PALM2AKAP2: variants seen among roughly 807,000 people sequenced by gnomAD.
PALM2AKAP2 encodes PALM2-AKAP2 fusion protein.
In PALM2AKAP2, 37 loss-of-function variants were observed where a neutral mutation model predicts 71.5. The observed-to-expected ratio is 0.52, with a 90% confidence interval of 0.40 to 0.68. The LOEUF is 0.68. Ranked by LOEUF, PALM2AKAP2 falls within the 30% of genes least tolerant of loss-of-function variation. The probability of loss-of-function intolerance (pLI) is 0.00; values close to 1 mark genes in which losing one functional copy is unlikely to be tolerated. For missense variants in PALM2AKAP2, 1,224 were observed against 1,191.8 expected (o/e 1.03, Z -0.40); for synonymous variants, 468 against 478.8 (o/e 0.98, Z 0.29).
intron 1 of PALM2AKAP2, among the ~76,000 whole-genome samples, chr9:109,790,643 C>A (rs918617759): frequency 6.6e-6 from 1 of 152,158 alleles, no homozygotes; most frequent in South Asian, 2.1e-4. Context: ...AAGAAAGGTG[C>A]CTCTTGGCTG....
chr9:110,156,364 G>A (rs769725496), exon 3 of PALM2AKAP2: 7 of 1,609,600 alleles, frequency 4.3e-6, no homozygotes, highest in Non-Finnish European at 5.1e-6. Flanking sequence ...ACCACTGAAG[G>A]CCCCAGCTTG....
At chr9:109,762,824 T>A (rs765404376) in intron 1 of PALM2AKAP2, among the ~76,000 whole-genome samples, 2 of 152,216 alleles carry the variant, frequency 1.3e-5, no homozygotes, top group Non-Finnish European at 2.9e-5. Context: ...TTTCCTACCC[T>A]CCTTTTATCT....
At chr9:109,675,861 C>A (rs1405341669) in intron 1 of PALM2AKAP2, among the ~76,000 whole-genome samples, 1 of 152,096 alleles carries the variant, frequency 6.6e-6, no homozygotes, top group Non-Finnish European at 1.5e-5. Context: ...GCCTTGTCCC[C>A]CTTTGATGAC....
intron 1 of PALM2AKAP2, among the ~76,000 whole-genome samples, chr9:110,123,742 T>C (rs1835538870): frequency 6.6e-6 from 1 of 152,216 alleles, no homozygotes. Context: ...AACCTTTTTC[T>C]AAAACAAATC....
intron 1 of PALM2AKAP2, among the ~76,000 whole-genome samples, chr9:109,698,525 A>G (rs1828006839): frequency 6.6e-6 from 1 of 152,130 alleles, no homozygotes; most frequent in South Asian, 2.1e-4. Flanking sequence ...GTGATCTGCC[A>G]GCCTCGGTCT....
At position 109,911,195 on chromosome 9, in the gene PALM2AKAP2, G is replaced by A. The variant is rs537199106; in HGVS notation, c.258-12540G>A. 3.3e-5 allele frequency among the ~76,000 whole-genome samples: 5 copies of A among 152,290 alleles called. No homozygotes were observed. The East Asian group carries it at 7.7e-4, about 23-fold the overall frequency. On this transcript the variant is annotated intron_variant, in intron 3 of 9. Coordinates refer to the PALM2AKAP2 transcript ENST00000302798. ...AAAAGGGACATTTTTAGGGGGAAAA[G>A]GAGGGGGTTTAAGCTATTGAGAAAA...
chr9:110,023,560 C>T (rs1159413898), intron 7 of PALM2AKAP2, among the ~76,000 whole-genome samples: 3 of 151,874 alleles, frequency 2.0e-5, no homozygotes, highest in Admixed American at 1.3e-4. Flanking sequence ...ATGATCCACC[C>T]GCCTCGGCCT....
intron 1 of PALM2AKAP2, among the ~76,000 whole-genome samples, chr9:109,792,719 T>A (rs1827150421): frequency 6.6e-6 from 1 of 152,082 alleles, no homozygotes; most frequent in African/African-American, 2.4e-5. Context: ...CTACCATACC[T>A]ATATAACAAG....
intron 1 of PALM2AKAP2, among the ~76,000 whole-genome samples, chr9:109,780,948 G>A (rs10816866): frequency 0.17 from 26,300 of 152,106 alleles, 2,443 homozygotes; most frequent in South Asian, 0.31. Context: ...CCTGTTAAGT[G>A]GAAAACCAGG....
intron 1 of PALM2AKAP2, among the ~76,000 whole-genome samples, chr9:110,130,546 A>G (rs1399160122): frequency 4.6e-5 from 7 of 152,240 alleles, no homozygotes; most frequent in African/African-American, 1.7e-4. Context: ...TCTGGGACCA[A>G]ATTCTGGCAC....
At chr9:109,790,189 T>C (rs1690110779) in intron 1 of PALM2AKAP2, among the ~76,000 whole-genome samples, 1 of 152,182 alleles carries the variant, frequency 6.6e-6, no homozygotes, top group African/African-American at 2.4e-5. Flanking sequence ...ATTTCCCTTG[T>C]GGAAGCCTAT....
chr9:109,963,877 A>T (rs767174626), intron 6 of PALM2AKAP2, among the ~76,000 whole-genome samples: 15 of 152,176 alleles, frequency 9.9e-5, no homozygotes, highest in Non-Finnish European at 1.8e-4. Flanking sequence ...TGGACCTTTG[A>T]GGTGCAGGCT....
chr9:109,873,938 C>T (rs537702221), intron 2 of PALM2AKAP2, among the ~76,000 whole-genome samples: 1 of 152,020 alleles, frequency 6.6e-6, no homozygotes, highest in Admixed American at 6.6e-5. Flanking sequence ...CCTAGGAATT[C>T]GAGACCAGCC....
intron 6 of PALM2AKAP2, among the ~76,000 whole-genome samples, chr9:109,960,971 G>A (rs2132115911): frequency 6.6e-6 from 1 of 152,358 alleles, no homozygotes; most frequent in Admixed American, 6.5e-5. Context: ...GGCTACTGAA[G>A]CACACCAGTT....
At position 109,997,226 on chromosome 9, in the gene PALM2AKAP2, G is replaced by T. The variant is rs75930748; in HGVS notation, c.497-18728G>T. Among the ~76,000 whole-genome samples, 1,421 of 152,154 alleles carry T rather than the reference G, an allele frequency of 9.3e-3. 23 individuals are homozygous for T. Among genetic ancestry groups the T allele is most frequent in the African/African-American group, 0.033 (1,372 of 41,496 alleles). On this transcript the variant is annotated intron_variant, in intron 6 of 9. Transcript: ENST00000302798. ...TAAATATATAATAAAGTAATAAAAA[G>T]TAAATAAATAAATATTGATTCCATC...
rs575728871 is a variant in PALM2AKAP2 at position 110,125,511 on chromosome 9, C to A, written c.157-10616C>A. ...GTCAGGAGGCTCAGGAGGAATTTGT[C>A]CAGCTTGAGCCAGGGTGCACGCAGG... On this transcript the variant is annotated intron_variant, in intron 1 of 3. Transcript: ENST00000374525. 9.1e-6 allele frequency: 9 copies of A among 985,546 alleles called. No individual in the cohort carries two copies. The Admixed American group carries it at 4.3e-4, about 47-fold the overall frequency. 61.1% of individuals were successfully genotyped at this position (985,546 alleles called of 1,614,324 possible). A position where few individuals can be genotyped will look rare whatever the true frequency, so the allele number is the denominator to read the frequency against.
At chr9:110,006,420 C>G (rs572520580) in intron 6 of PALM2AKAP2, among the ~76,000 whole-genome samples, 1 of 148,242 alleles carries the variant, frequency 6.7e-6, no homozygotes, top group Non-Finnish European at 1.5e-5. Context: ...GTTGCAAACA[C>G]AGCTCACTGC....
chr9:109,864,709 C>A (rs541471230), intron 1 of PALM2AKAP2, among the ~76,000 whole-genome samples: 107 of 152,276 alleles, frequency 7.0e-4, no homozygotes, highest in African/African-American at 2.5e-3. Context: ...TCAGTAGTTG[C>A]GACAGAGACT....
intron 1 of PALM2AKAP2, among the ~76,000 whole-genome samples, chr9:110,050,066 A>G (rs1250648439): frequency 6.6e-6 from 1 of 152,230 alleles, no homozygotes; most frequent in African/African-American, 2.4e-5. Flanking sequence ...AGACTTTGAC[A>G]TATCACTACC....
Sources: gnomAD v4.1 joint callset for allele counts (sites outside exome capture counted in the v4.1 genomes callset) on GRCh38, gnomAD v4.1.1 for gene constraint, MANE v1.5 for transcripts, NCBI Gene and HGNC (gene_info 2026-07-23, HGNC 2026-07-21) for gene names.